The following GLB1 variants were observed in gnomAD, a reference collection of about 807,000 sequenced individuals.
GLB1 encodes the protein beta-galactosidase.
In GLB1, 56 loss-of-function variants were observed where a neutral mutation model predicts 74.0. The ratio of observed to expected loss-of-function variants is 0.76; its 90% CI spans 0.61 to 0.94. GLB1 has a LOEUF of 0.94. Ranked by LOEUF, GLB1 falls within the 40% of genes least tolerant of loss-of-function variation. The pLI, the probability that GLB1 is intolerant of heterozygous loss-of-function variation, is 0.00. For synonymous variants in GLB1, 323 were observed against 323.6 expected (o/e 1.00, Z 0.02); for missense variants, 787 against 845.5 (o/e 0.93, Z 0.86).
chr3:32,979,759 G>A, the GLB1 span, among the ~76,000 whole-genome samples: 1 of 151,376 alleles, frequency 6.6e-6, no homozygotes, highest in Admixed American at 6.6e-5. Context: ...GGCTGAAGTG[G>A]GAGGATGGCT....
downstream of GLB1, among the ~76,000 whole-genome samples, chr3:32,992,140 G>T (rs537764678): frequency 6.6e-6 from 1 of 152,222 alleles, no homozygotes; most frequent in Admixed American, 6.5e-5. Flanking sequence ...AGTCTTTTCC[G>T]TAGGCTCACG....
chr3:33,053,057 G>C (rs572055479), intron 7 of GLB1, among the ~76,000 whole-genome samples: 1 of 152,200 alleles, frequency 6.6e-6, no homozygotes, highest in Non-Finnish European at 1.5e-5. Context: ...GGGAAGAACG[G>C]AGAGAGAAGG....
downstream of GLB1, among the ~76,000 whole-genome samples, chr3:32,994,489 A>T (rs1347172715): frequency 6.6e-6 from 1 of 152,234 alleles, no homozygotes; most frequent in Non-Finnish European, 1.5e-5. Flanking sequence ...TTATTGAGAG[A>T]AATCAAGAAT....
intron 9 of GLB1, among the ~76,000 whole-genome samples, chr3:33,048,703 G>T (rs1698845648): frequency 6.6e-6 from 1 of 152,162 alleles, no homozygotes; most frequent in South Asian, 2.1e-4. Context: ...AGGGAGGCTT[G>T]GCAGAACACA....
chr3:32,993,803 G>A (rs1408598739), downstream of GLB1, among the ~76,000 whole-genome samples: 2 of 151,948 alleles, frequency 1.3e-5, no homozygotes, highest in Non-Finnish European at 2.9e-5. Context: ...AAAGTGCTTG[G>A]ATTGCAGGTG....
chr3:33,013,231 T>C (rs1697100474), intron 15 of GLB1, among the ~76,000 whole-genome samples: 1 of 152,244 alleles, frequency 6.6e-6, no homozygotes, highest in Non-Finnish European at 1.5e-5. Context: ...CAAGCATCAC[T>C]ATCTTAGGGA....
rs200181401 is a variant in GLB1, at chr3:33,018,537, T to G, written c.1258A>C (p.Thr420Pro). The G allele has an allele frequency of 1.2e-6, 2 of 1,614,020 alleles. No individual in the cohort carries two copies. The highest frequency in any genetic ancestry group is 3.3e-5 in the Admixed American group (2 of 60,006). Residue 420 changes from threonine (T) to proline (P), a missense_variant, in exon 13 of 16, where the codon ACA becomes CCA. Transcript: ENST00000307363. ...KQHYGFVLYRTTLPQDCSNPA... is the reference protein window; with the variant it reads ...KQHYGFVLYRPTLPQDCSNPA... ...TTGCTGCAATCTTGAGGAAGTGTTGTCCGGTACAGCACAAACCCATAATGC... is the reference window on the plus strand; with the variant it reads ...TTGCTGCAATCTTGAGGAAGTGTTGGCCGGTACAGCACAAACCCATAATGC...
chr3:33,062,501 G>GT, intron 5 of GLB1, among the ~76,000 whole-genome samples: 1 of 152,204 alleles, frequency 6.6e-6, no homozygotes, highest in East Asian at 1.9e-4. Flanking sequence ...CAGAAATACT[G>GT]TTTACAGGCC....
At chr3:33,076,971 C>G in intron 1 of GLB1, 4 of 988,314 alleles carry the variant, frequency 4.0e-6, no homozygotes, top group Non-Finnish European at 4.0e-6. Context: ...TGCCTGTAAT[C>G]CCAGCAATTT....
Position 32,997,188 on chromosome 3 carries a change from G to T in GLB1, c.1891C>A (p.Pro631Thr). The change falls in exon 16 of 16, where the codon CCA becomes ACA. Residue 631 changes from proline (P) to threonine (T), a missense_variant. Coordinates refer to ENST00000307363, the MANE Select transcript of GLB1 (RefSeq NM_000404.4). ...ACGAACGTCACAGCACATAGTTCTG[G>T]ATCATCACTGCTGCAGGGTGCCCAC... ...LEWAPCSSDD[P>T]ELCAVTFVDR... 6.2e-7 allele frequency: 1 copy of T among 1,614,188 alleles called. No individual in the cohort carries two copies. The highest frequency in any genetic ancestry group is 8.5e-7 in the Non-Finnish European group (1 of 1,180,044).
intron 11 of GLB1, among the ~76,000 whole-genome samples, chr3:33,023,906 C>T (rs1697617287): frequency 6.6e-6 from 1 of 152,132 alleles, no homozygotes; most frequent in Non-Finnish European, 1.5e-5. Context: ...CGACAAAGAG[C>T]CTTGGCAGCC....
intron 1 of GLB1, among the ~76,000 whole-genome samples, chr3:33,076,091 T>C (rs371978720): frequency 1.3e-5 from 2 of 150,504 alleles, no homozygotes; most frequent in East Asian, 1.9e-4. Flanking sequence ...CAGACATTCA[T>C]GTTTTAATTG....
At chr3:33,012,799 C>T (rs1208953665) in intron 15 of GLB1, among the ~76,000 whole-genome samples, 3 of 152,176 alleles carry the variant, frequency 2.0e-5, no homozygotes, top group Non-Finnish European at 4.4e-5. Context: ...TCCCCAAACC[C>T]TCCTGTCCAA....
At chr3:33,031,503 G>A (rs1450553789) in intron 10 of GLB1, among the ~76,000 whole-genome samples, 4 of 148,442 alleles carry the variant, frequency 2.7e-5, no homozygotes, top group Middle Eastern at 3.5e-3. Flanking sequence ...AATTAGCCAC[G>A]TGCATTGGTG....
intron 1 of GLB1, chr3:33,091,521 A>T (rs1179782930): frequency 2.0e-6 from 2 of 985,364 alleles, no homozygotes; most frequent in Non-Finnish European, 2.4e-6. Flanking sequence ...GTTCCTTAGC[A>T]AGCTCCACTG....
chr3:33,073,679 C>A (rs1477648384), intron 1 of GLB1, among the ~76,000 whole-genome samples: 1 of 151,864 alleles, frequency 6.6e-6, no homozygotes, highest in Non-Finnish European at 1.5e-5. Flanking sequence ...CAGAGCGAGA[C>A]TCTGTCTCAA....
chr3:33,054,163 G>C (rs992940378), intron 6 of GLB1, among the ~76,000 whole-genome samples: 16 of 152,144 alleles, frequency 1.1e-4, no homozygotes, highest in Middle Eastern at 3.2e-3. Flanking sequence ...GAATCTGCTG[G>C]CATCTTAATT....
the GLB1 span, among the ~76,000 whole-genome samples, chr3:32,979,736 C>T: frequency 6.6e-6 from 1 of 151,166 alleles, no homozygotes; most frequent in Non-Finnish European, 1.5e-5. Context: ...CCTGTTGTCC[C>T]TGCTACTTAG....
chr3:33,030,787 C>T (rs1697972119), intron 10 of GLB1: 1 of 985,230 alleles, frequency 1.0e-6, no homozygotes. Flanking sequence ...AAAACATCAG[C>T]GGAACTCTTA....
Sources: allele counts gnomAD v4.1 joint callset (sites outside exome capture counted in the v4.1 genomes callset), GRCh38; gene constraint gnomAD v4.1.1; transcripts MANE v1.5; gene names NCBI Gene and HGNC (gene_info 2026-07-23, HGNC 2026-07-21).